The following ANAPC10 variants were observed in gnomAD, a reference collection of about 807,000 sequenced individuals.
ANAPC10 encodes the protein anaphase promoting complex subunit 10.
Under a neutral mutation model 22.0 loss-of-function variants are expected in ANAPC10, and 12 were observed. That is an observed-to-expected ratio of 0.55 (90% confidence interval 0.35 to 0.88). ANAPC10 has a LOEUF of 0.88. ANAPC10 is among the 40% of genes least tolerant of loss of function. The pLI, the probability that ANAPC10 is intolerant of heterozygous loss-of-function variation, is 0.01. For missense variants in ANAPC10, 188 were observed against 220.9 expected, an observed-to-expected ratio of 0.85 and a Z score of 0.94; for synonymous variants, 65 against 69.5, an observed-to-expected ratio of 0.94 and a Z score of 0.32.
At chr4:145,054,485 G>A (rs1183003406) in intron 4 of ANAPC10, among the ~76,000 whole-genome samples, 1 of 150,728 alleles carries the variant, frequency 6.6e-6, no homozygotes, top group Non-Finnish European at 1.5e-5. Flanking sequence ...GTGAACCCAG[G>A]AGGCAGAGCT....
intron 4 of ANAPC10, among the ~76,000 whole-genome samples, chr4:145,058,834 A>G (rs898497481): frequency 6.6e-5 from 10 of 152,184 alleles, no homozygotes; most frequent in African/African-American, 2.4e-4. Flanking sequence ...GATGCATACA[A>G]TAATAAATAA....
At chr4:145,089,378 C>T (rs1459434311) in intron 2 of ANAPC10, among the ~76,000 whole-genome samples, 1 of 151,914 alleles carries the variant, frequency 6.6e-6, no homozygotes, top group Non-Finnish European at 1.5e-5. Flanking sequence ...ATACTGAATC[C>T]CTTCTTTGTA....
At chr4:145,038,129 G>A (rs1405113209) in intron 4 of ANAPC10, among the ~76,000 whole-genome samples, 1 of 151,980 alleles carries the variant, frequency 6.6e-6, no homozygotes, top group African/African-American at 2.4e-5. Context: ...GAGGCCAGAA[G>A]TTCCAGACAA....
intron 4 of ANAPC10, among the ~76,000 whole-genome samples, chr4:145,044,182 T>C (rs1457321636): frequency 6.6e-6 from 1 of 152,056 alleles, no homozygotes; most frequent in African/African-American, 2.4e-5. Context: ...TACATGTAAA[T>C]GAAGAAAGAC....
At chr4:145,082,860 T>C (rs1305182911) in intron 2 of ANAPC10, among the ~76,000 whole-genome samples, 1 of 152,180 alleles carries the variant, frequency 6.6e-6, no homozygotes, top group Non-Finnish European at 1.5e-5. Context: ...TTACACTAAG[T>C]AATATATTCA....
intron 4 of ANAPC10, among the ~76,000 whole-genome samples, chr4:145,007,615 T>C (rs973294826): frequency 6.6e-6 from 1 of 152,158 alleles, no homozygotes; most frequent in Non-Finnish European, 1.5e-5. Context: ...AATAAAGATG[T>C]TTTTTGAAAC....
At chr4:145,025,641 A>G (rs187622918) in intron 4 of ANAPC10, among the ~76,000 whole-genome samples, 1 of 152,164 alleles carries the variant, frequency 6.6e-6, no homozygotes, top group Non-Finnish European at 1.5e-5. Context: ...ATCACAGATG[A>G]CCGTAACAGG....
intron 2 of ANAPC10, among the ~76,000 whole-genome samples, chr4:145,084,956 T>C (rs1746645066): frequency 1.3e-5 from 2 of 152,242 alleles, no homozygotes; most frequent in East Asian, 3.8e-4. Context: ...TGTATATATA[T>C]TTCACGTCAC....
chr4:145,031,000 G>T (rs1442091338), intron 4 of ANAPC10, among the ~76,000 whole-genome samples: 1 of 152,150 alleles, frequency 6.6e-6, no homozygotes, highest in Admixed American at 6.5e-5. Flanking sequence ...TGGTTTCATT[G>T]CTTGAGCATA....
At chr4:145,034,547 G>T (rs2354424) in intron 4 of ANAPC10, among the ~76,000 whole-genome samples, 15 of 125,514 alleles carry the variant, frequency 1.2e-4, no homozygotes, top group Middle Eastern at 4.0e-3. Context: ...ATATATATGT[G>T]TGTGTGTGTG....
intron 2 of ANAPC10, among the ~76,000 whole-genome samples, chr4:145,087,241 A>C (rs1215503840): frequency 6.6e-6 from 1 of 152,162 alleles, no homozygotes; most frequent in Non-Finnish European, 1.5e-5. Context: ...CACTAACACA[A>C]CACCACTAGA....
At chr4:145,032,538 A>C (rs1301408826) in intron 4 of ANAPC10, among the ~76,000 whole-genome samples, 2 of 152,204 alleles carry the variant, frequency 1.3e-5, no homozygotes, top group Non-Finnish European at 1.5e-5. Flanking sequence ...TTTAATAATC[A>C]CATGGATAGG....
intron 4 of ANAPC10, among the ~76,000 whole-genome samples, chr4:144,998,209 C>T (rs1041043948): frequency 3.3e-5 from 5 of 152,176 alleles, no homozygotes; most frequent in African/African-American, 1.2e-4. Context: ...AGGAATTGAA[C>T]TCAGCTCTGC....
chr4:145,087,452 G>A (rs1463473284), intron 2 of ANAPC10, among the ~76,000 whole-genome samples: 1 of 151,910 alleles, frequency 6.6e-6, no homozygotes, highest in Admixed American at 6.6e-5. Flanking sequence ...AACCTCCTTA[G>A]GCTCTGCTAG....
chr4:145,032,670 A>T (rs559858690), intron 4 of ANAPC10, among the ~76,000 whole-genome samples: 34 of 152,264 alleles, frequency 2.2e-4, no homozygotes, highest in African/African-American at 8.2e-4. Context: ...GCTCAGCAAC[A>T]TGGACTTCCA....
At chr4:145,043,008 G>A (rs1739743314) in intron 4 of ANAPC10, among the ~76,000 whole-genome samples, 1 of 151,450 alleles carries the variant, frequency 6.6e-6, no homozygotes, top group Non-Finnish European at 1.5e-5. Context: ...GCACAAAAGA[G>A]GGGAAAAAAG....
chr4:145,037,346 C>T (rs897587369), intron 4 of ANAPC10, among the ~76,000 whole-genome samples: 1 of 151,996 alleles, frequency 6.6e-6, no homozygotes, highest in Non-Finnish European at 1.5e-5. Flanking sequence ...TTAAAAAGTA[C>T]ACTATCATTC....
chr4:145,006,738 T>C (rs1188196859), intron 4 of ANAPC10, among the ~76,000 whole-genome samples: 1 of 152,114 alleles, frequency 6.6e-6, no homozygotes, highest in Non-Finnish European at 1.5e-5. Context: ...CCTTTTCAGT[T>C]TGAACCTTCT....
chr4:145,002,381 A>G (rs559827837), intron 4 of ANAPC10, among the ~76,000 whole-genome samples: 8 of 152,234 alleles, frequency 5.3e-5, no homozygotes, highest in South Asian at 2.1e-4. Context: ...CTAGTGAAGA[A>G]GGCGACCACC....
Sources: allele counts gnomAD v4.1 joint callset (sites outside exome capture counted in the v4.1 genomes callset), GRCh38; gene constraint gnomAD v4.1.1; transcripts MANE v1.5; gene names NCBI Gene and HGNC (gene_info 2026-07-23, HGNC 2026-07-21).